Variants in STPG2 observed in about 807,000 individuals in gnomAD.
The protein encoded by STPG2 is sperm-tail PG-rich repeat-containing protein 2.
Under a neutral mutation model 54.2 loss-of-function variants are expected in STPG2, and 56 were observed. The observed-to-expected ratio is 1.03, with a 90% CI of 0.83 to 1.29. The LOEUF (loss-of-function observed/expected upper bound fraction) is 1.29. Ranked by LOEUF, STPG2 falls within the 50% of genes most tolerant of loss-of-function variation. The pLI, the probability that STPG2 is intolerant of heterozygous loss-of-function variation, is 0.00. For synonymous variants in STPG2, 200 were observed against 181.8 expected (o/e 1.10, Z -0.81); for missense variants, 596 against 544.9 (o/e 1.09, Z -0.93).
At chr4:97,443,841 A>C (rs1729151214) in intron 4 of STPG2, among the ~76,000 whole-genome samples, 1 of 152,208 alleles carries the variant, frequency 6.6e-6, no homozygotes, top group South Asian at 2.1e-4. Flanking sequence ...ATAATCAAAA[A>C]ACAGAAAACT....
chr4:98,073,257 A>G (rs1281197838), intron 5 of STPG2, among the ~76,000 whole-genome samples: 1 of 152,162 alleles, frequency 6.6e-6, no homozygotes, highest in Non-Finnish European at 1.5e-5. Flanking sequence ...TAATCCAGTC[A>G]TAGAGTCTAA....
chr4:98,083,453 C>A (rs563013111), intron 5 of STPG2, among the ~76,000 whole-genome samples: 11 of 151,984 alleles, frequency 7.2e-5, no homozygotes, highest in African/African-American at 2.7e-4. Flanking sequence ...AATATGAAAA[C>A]ACTATTATAA....
intron 7 of STPG2, among the ~76,000 whole-genome samples, chr4:97,945,062 A>C (rs1733150262): frequency 6.6e-6 from 1 of 152,108 alleles, no homozygotes; most frequent in Admixed American, 6.6e-5. Flanking sequence ...TTTTATAATA[A>C]TTTTTATTTC....
chr4:97,459,676 C>T (rs959631880), intron 4 of STPG2, among the ~76,000 whole-genome samples: 2 of 151,988 alleles, frequency 1.3e-5, no homozygotes, highest in African/African-American at 4.8e-5. Flanking sequence ...CTCCTGACCT[C>T]GTGATCCGCC....
chr4:98,030,894 A>T (rs1001121567), intron 5 of STPG2, among the ~76,000 whole-genome samples: 6 of 152,194 alleles, frequency 3.9e-5, no homozygotes, highest in Non-Finnish European at 5.9e-5. Flanking sequence ...CTCAAGATAG[A>T]TTAAAGACTT....
At chr4:97,764,289 C>T (rs1560518580) in intron 9 of STPG2, among the ~76,000 whole-genome samples, 1 of 152,082 alleles carries the variant, frequency 6.6e-6, no homozygotes, top group Admixed American at 6.6e-5. Context: ...TACACTCTCA[C>T]AGCACACCTT....
intron 10 of STPG2, among the ~76,000 whole-genome samples, chr4:97,600,143 C>T (rs1018192983): frequency 1.3e-5 from 2 of 152,104 alleles, no homozygotes; most frequent in Admixed American, 6.5e-5. Flanking sequence ...AGATAATATG[C>T]TTTATTACCT....
intron 3 of STPG2, among the ~76,000 whole-genome samples, chr4:98,110,509 C>T (rs936561796): frequency 1.1e-4 from 17 of 152,088 alleles, no homozygotes; most frequent in African/African-American, 3.9e-4. Context: ...TAGAAAGCCA[C>T]TGAGCATGTG....
chr4:98,123,364 T>C (rs1560689793), intron 3 of STPG2, among the ~76,000 whole-genome samples: 1 of 152,216 alleles, frequency 6.6e-6, no homozygotes. Context: ...TTTAGCTGCA[T>C]CTCAGAGATT....
At chr4:97,495,358 A>C (rs1730583776) in intron 4 of STPG2, among the ~76,000 whole-genome samples, 1 of 151,502 alleles carries the variant, frequency 6.6e-6, no homozygotes, top group South Asian at 2.1e-4. Context: ...ACAAGACATC[A>C]GTTTGTAATG....
At chr4:98,041,032 A>G (rs1186718310) in intron 5 of STPG2, among the ~76,000 whole-genome samples, 1 of 150,930 alleles carries the variant, frequency 6.6e-6, no homozygotes, top group Non-Finnish European at 1.5e-5. Flanking sequence ...GTGTTTCACC[A>G]TTTTCCTTTC....
chr4:98,011,337 C>T (rs1735743048), intron 5 of STPG2, among the ~76,000 whole-genome samples: 1 of 152,136 alleles, frequency 6.6e-6, no homozygotes, highest in African/African-American at 2.4e-5. Flanking sequence ...ATATGTGCCA[C>T]ATTTTTTTTA....
chr4:97,897,961 T>C lies in STPG2; in HGVS notation c.1044+45936A>G, dbSNP rs1174894414. 2.0e-5 allele frequency among the ~76,000 whole-genome samples: 3 copies of C among 152,266 alleles called. No individual in the cohort carries two copies. The East Asian group carries it at 5.8e-4, about 29-fold the overall frequency. ...TTTGTGTAATTGCTTTCAGTATCTT[T>C]GTCATGAAATCTTTGCCCACTCCTA... is the stretch of plus-strand genomic sequence containing the variant. On this transcript the variant is annotated intron_variant, in intron 8 of 10. Transcript: ENST00000295268.
intron 5 of STPG2, among the ~76,000 whole-genome samples, chr4:98,086,139 T>C (rs1051206462): frequency 8.5e-5 from 13 of 152,260 alleles, no homozygotes; most frequent in South Asian, 4.1e-4. Flanking sequence ...GTAGAAAATA[T>C]AAATTATTGA....
At chr4:97,831,550 C>A (rs918345605) in intron 9 of STPG2, among the ~76,000 whole-genome samples, 1 of 151,616 alleles carries the variant, frequency 6.6e-6, no homozygotes, top group African/African-American at 2.4e-5. Flanking sequence ...GATAGAGACA[C>A]AAAAAAACCT....
intron 9 of STPG2, among the ~76,000 whole-genome samples, chr4:97,792,352 T>C (rs1264958754): frequency 6.6e-6 from 1 of 152,154 alleles, no homozygotes; most frequent in Non-Finnish European, 1.5e-5. Flanking sequence ...ACTAAAACTT[T>C]AATTAATCCT....
intron 5 of STPG2, among the ~76,000 whole-genome samples, chr4:97,992,807 C>A (rs1478945800): frequency 6.6e-6 from 1 of 152,044 alleles, no homozygotes; most frequent in East Asian, 1.9e-4. Context: ...AGGTCTTTCA[C>A]CTCCTTAGTT....
At chr4:97,769,380 C>T (rs1726156824) in intron 9 of STPG2, among the ~76,000 whole-genome samples, 2 of 152,110 alleles carry the variant, frequency 1.3e-5, no homozygotes, top group Non-Finnish European at 2.9e-5. Context: ...TGAGCAAGCC[C>T]AGTCAAGATC....
intron 1 of STPG2, among the ~76,000 whole-genome samples, chr4:98,137,864 A>G (rs773289822): frequency 5.9e-5 from 9 of 151,936 alleles, no homozygotes; most frequent in Non-Finnish European, 1.3e-4. Context: ...TCTTCATTGA[A>G]GTTTTCCAAA....
Sources: gnomAD v4.1 joint callset for allele counts (sites outside exome capture counted in the v4.1 genomes callset) on GRCh38, gnomAD v4.1.1 for gene constraint, MANE v1.5 for transcripts, NCBI Gene and HGNC (gene_info 2026-07-23, HGNC 2026-07-21) for gene names.